NLGN1: variants seen among roughly 807,000 people sequenced by gnomAD.
NLGN1 encodes neuroligin-1.
A neutral mutation model predicts 65.5 loss-of-function variants in NLGN1; 12 were observed. The observed-to-expected ratio is 0.18, with a 90% CI of 0.12 to 0.30. NLGN1 has a LOEUF of 0.30. NLGN1 is among the 10% of genes least tolerant of loss of function. The pLI is 1.00. For missense variants in NLGN1, 750 were observed against 1,007.1 expected (o/e 0.74, Z 3.46); for synonymous variants, 350 against 359.5 (o/e 0.97, Z 0.30).
chr3:173,807,960 C>A, intron 4 of NLGN1, 128 bp downstream of exon 4: 3 of 869,928 alleles, frequency 3.4e-6, no homozygotes, highest in South Asian at 1.6e-5. Context: ...TTCTCGAGCC[C>A]AAATTTTTTA....
At position 173,604,465 on chromosome 3, in the gene NLGN1, C is replaced by G. The variant is rs1751047879; in HGVS notation, c.-134C>G. On this transcript the variant is annotated 5_prime_UTR_variant, in exon 3 of 7. The change creates a new upstream start codon in the 5' untranslated region. Transcript: ENST00000457714. ...TGGGAGATATCTGCTGTCTGAAGATCTTTCAGAGCTTTTCTCGACAAGCTC... is the reference window on the plus strand; with the variant it reads ...TGGGAGATATCTGCTGTCTGAAGATGTTTCAGAGCTTTTCTCGACAAGCTC... 3 of 932,936 alleles carry G rather than the reference C, an allele frequency of 3.2e-6. No individual in the cohort carries two copies. The highest frequency in any genetic ancestry group is 4.9e-6 in the Non-Finnish European group (3 of 611,542). 57.8% of individuals were successfully genotyped at this position (932,936 alleles called of 1,614,324 possible).
At chr3:173,783,594 T>C (rs1034549104) in intron 3 of NLGN1, among the ~76,000 whole-genome samples, 2 of 152,212 alleles carry the variant, frequency 1.3e-5, no homozygotes, top group Admixed American at 1.3e-4. Flanking sequence ...CCAAAAAACT[T>C]GTCATAATGT....
At chr3:173,602,433 C>A (rs6788254) in intron 2 of NLGN1, among the ~76,000 whole-genome samples, 88,606 of 151,630 alleles carry the variant, frequency 0.58, 27,969 homozygotes, top group East Asian at 0.72. Context: ...ATTTTTGTAA[C>A]CTCAGGAGCT....
At chr3:173,924,697 G>A (rs1207571747) in intron 4 of NLGN1, among the ~76,000 whole-genome samples, 3 of 151,810 alleles carry the variant, frequency 2.0e-5, no homozygotes, top group African/African-American at 7.3e-5. Context: ...TTTATAACAT[G>A]CCAATATTTA....
chr3:173,704,637 G>T (rs550963206), intron 3 of NLGN1, among the ~76,000 whole-genome samples: 20 of 152,228 alleles, frequency 1.3e-4, no homozygotes, highest in African/African-American at 4.3e-4. Flanking sequence ...GATTATTTTG[G>T]TCACTCTGCC....
At chr3:173,890,905 T>C (rs563211213) in intron 4 of NLGN1, among the ~76,000 whole-genome samples, 7 of 152,296 alleles carry the variant, frequency 4.6e-5, no homozygotes, top group Non-Finnish European at 8.8e-5. Context: ...GAGAGTTCAA[T>C]TAAGTGATCT....
At chr3:173,980,179 A>G (rs1023354002) in intron 4 of NLGN1, among the ~76,000 whole-genome samples, 1 of 152,104 alleles carries the variant, frequency 6.6e-6, no homozygotes, top group Admixed American at 6.6e-5. Flanking sequence ...TAAAGCATTA[A>G]CATATAAACT....
At chr3:174,179,652 T>TAG (rs1172378936) in intron 4 of NLGN1, among the ~76,000 whole-genome samples, 2 of 152,258 alleles carry the variant, frequency 1.3e-5, no homozygotes, top group East Asian at 3.9e-4. Context: ...GTACAATATG[T>TAG]AGTCTGTTGC....
At chr3:173,809,965 C>T (rs1488085442) in intron 4 of NLGN1, among the ~76,000 whole-genome samples, 1 of 152,122 alleles carries the variant, frequency 6.6e-6, no homozygotes, top group Non-Finnish European at 1.5e-5. Context: ...TAGTTGTCTC[C>T]TCTCCTTTAT....
At position 173,648,170 on chromosome 3, in the gene NLGN1, C is replaced by A. The variant is rs117925099; in HGVS notation, c.493+43079C>A. Among the ~76,000 whole-genome samples the A allele has an allele frequency of 2.6e-5, 4 of 151,912 alleles. No homozygotes were observed. In the East Asian group the frequency reaches 7.7e-4, roughly 29 times the overall value. ...AAAAAAAATGATAAACTGGACACCA[C>A]CAAAATTTAAATCAAATGACTTCAT... On this transcript the variant is annotated intron_variant, in intron 3 of 6. Transcript: ENST00000457714.
At chr3:174,179,566 G>T (rs1048509242) in intron 4 of NLGN1, among the ~76,000 whole-genome samples, 7 of 151,814 alleles carry the variant, frequency 4.6e-5, no homozygotes, top group African/African-American at 1.7e-4. Context: ...AGTTTAGTAT[G>T]GTATAAATGT....
chr3:174,158,493 T>C (rs933068451), intron 4 of NLGN1, among the ~76,000 whole-genome samples: 1 of 151,440 alleles, frequency 6.6e-6, no homozygotes, highest in African/African-American at 2.4e-5. Flanking sequence ...TGGAAAGTCA[T>C]TGTGATATAT....
chr3:173,838,283 G>C (rs1352518541), intron 4 of NLGN1, among the ~76,000 whole-genome samples: 1 of 151,270 alleles, frequency 6.6e-6, no homozygotes, highest in Non-Finnish European at 1.5e-5. Flanking sequence ...TTAACATCAA[G>C]TTTGGCCAAG....
At chr3:173,621,353 G>A (rs2149503709) in intron 3 of NLGN1, among the ~76,000 whole-genome samples, 1 of 152,240 alleles carries the variant, frequency 6.6e-6, no homozygotes, top group South Asian at 2.1e-4. Context: ...CTGGTAAGGG[G>A]AAAGGCATTA....
chr3:173,681,410 T>C (rs1468510545), intron 3 of NLGN1, among the ~76,000 whole-genome samples: 1 of 152,194 alleles, frequency 6.6e-6, no homozygotes, highest in Non-Finnish European at 1.5e-5. Context: ...TCACTCTAAA[T>C]AATATATCTC....
chr3:173,435,503 G>T (rs756818586), intron 2 of NLGN1, among the ~76,000 whole-genome samples: 44 of 151,960 alleles, frequency 2.9e-4, no homozygotes, highest in Non-Finnish European at 7.4e-5. Flanking sequence ...GCGTTATGTT[G>T]TGATATTTAT....
chr3:173,815,084 C>A (rs1270653979), intron 4 of NLGN1, among the ~76,000 whole-genome samples: 3 of 146,810 alleles, frequency 2.0e-5, no homozygotes, highest in Non-Finnish European at 4.5e-5. Flanking sequence ...TTCGTTCCTT[C>A]TTTCCTTCCT....
At chr3:174,112,119 G>A (rs1422612447) in intron 4 of NLGN1, among the ~76,000 whole-genome samples, 1 of 151,830 alleles carries the variant, frequency 6.6e-6, no homozygotes, top group Non-Finnish European at 1.5e-5. Flanking sequence ...TTAATATAGA[G>A]GCAGTTGGCA....
At chr3:173,436,377 G>A (rs532328974) in intron 2 of NLGN1, among the ~76,000 whole-genome samples, 9 of 152,142 alleles carry the variant, frequency 5.9e-5, no homozygotes, top group Admixed American at 5.2e-4. Flanking sequence ...CCCATTCTTT[G>A]GCAAATAATG....
Sources: gnomAD v4.1 joint callset for allele counts (sites outside exome capture counted in the v4.1 genomes callset) on GRCh38, gnomAD v4.1.1 for gene constraint, MANE v1.5 for transcripts, NCBI Gene and HGNC (gene_info 2026-07-23, HGNC 2026-07-21) for gene names.